Variants in PLA2R1 observed in about 807,000 individuals in gnomAD.
PLA2R1 encodes the protein phospholipase A2 receptor 1.
Under a neutral mutation model 195.9 loss-of-function variants are expected in PLA2R1, and 158 were observed. The observed-to-expected ratio is 0.81, with a 90% CI of 0.71 to 0.92. The LOEUF (loss-of-function observed/expected upper bound fraction) is 0.92. Ranked by LOEUF, PLA2R1 falls within the 40% of genes least tolerant of loss-of-function variation. The pLI is 0.00. For missense variants in PLA2R1, 1,626 were observed against 1,764.6 expected (o/e 0.92, Z 1.41); for synonymous variants, 586 against 598.2 (o/e 0.98, Z 0.30).
At chr2:159,983,850 G>T in intron 13 of PLA2R1, 78 bp downstream of exon 13, 1 of 664,586 alleles carries the variant, frequency 1.5e-6, no homozygotes, top group Non-Finnish European at 2.5e-6. Context: ...ACAACTACTT[G>T]GGATACTCAC....
intron 7 of PLA2R1, among the ~76,000 whole-genome samples, chr2:160,022,245 C>G (rs1465102866): frequency 6.6e-6 from 1 of 152,024 alleles, no homozygotes; most frequent in East Asian, 1.9e-4. Flanking sequence ...CATCACCTCA[C>G]CAAATAAATT....
At chr2:160,061,667 C>A (rs1390086556) in intron 1 of PLA2R1, among the ~76,000 whole-genome samples, 1 of 152,022 alleles carries the variant, frequency 6.6e-6, no homozygotes, top group African/African-American at 2.4e-5. Flanking sequence ...CCCAGCTACT[C>A]GGGAGGCTGA....
chr2:159,974,859 C>T (rs1689435681), intron 17 of PLA2R1, among the ~76,000 whole-genome samples: 1 of 152,048 alleles, frequency 6.6e-6, no homozygotes, highest in South Asian at 2.1e-4. Context: ...GTGCAACAGA[C>T]AAGATATAGA....
chr2:159,969,331 G>C lies in PLA2R1; in HGVS notation c.2689C>G (p.Gln897Glu). 6.2e-7 allele frequency: 1 copy of C among 1,603,682 alleles called. No homozygotes were observed. The highest frequency in any genetic ancestry group is 1.1e-5 in the South Asian group (1 of 90,812). The change falls in exon 19 of 30, where the codon CAG becomes GAG. Residue 897 changes from glutamine to glutamate, a missense_variant. Physicochemically the swap from Gln to Glu is conservative, Grantham distance 29. Coordinates refer to ENST00000283243, the MANE Select transcript of PLA2R1 (RefSeq NM_007366.5). ...RWRDGTPVIY[Q>E]NWDTGRERTV... ...CTTTCTCTTCCTGTGTCCCAGTTCT[G>C]GTATATCACTGGTGTTCCATCTCTC...
intron 8 of PLA2R1, among the ~76,000 whole-genome samples, chr2:160,019,514 G>A (rs2105461562): frequency 6.6e-6 from 1 of 152,276 alleles, no homozygotes; most frequent in East Asian, 1.9e-4. Flanking sequence ...CTCCAAACTG[G>A]CTTTTCTGCT....
At position 160,044,879 on chromosome 2, in the gene PLA2R1, C is replaced by G; in HGVS notation, c.388G>C (p.Val130Leu). 11 of 1,614,170 alleles carry G rather than the reference C, an allele frequency of 6.8e-6. No homozygotes were observed. Among genetic ancestry groups the G allele is most frequent in the Non-Finnish European group, 9.3e-6 (11 of 1,179,986 alleles). ...KMITGPLQYS[V>L]QVAHDNTVVA... Reference sequence around the variant, plus strand: ...ACTGTGTTGTCATGCGCCACCTGGACAGAGTACTGCAGCGGGCCTGTGATC... The same window carrying G: ...ACTGTGTTGTCATGCGCCACCTGGAGAGAGTACTGCAGCGGGCCTGTGATC... Residue 130 changes from valine (V) to leucine (L), a missense_variant, in exon 2 of 30, where the codon GTC (valine) becomes CTC (leucine). Val to Leu is a conservative substitution (Grantham distance 32). Coordinates refer to ENST00000283243, the MANE Select transcript of PLA2R1 (RefSeq NM_007366.5).
chr2:159,986,520 G>A (rs1690348430), intron 12 of PLA2R1, among the ~76,000 whole-genome samples: 1 of 151,994 alleles, frequency 6.6e-6, no homozygotes, highest in Non-Finnish European at 1.5e-5. Flanking sequence ...CCTCCCCCAG[G>A]AGTGATAACC....
At chr2:159,990,634 A>G (rs1025146660) in intron 11 of PLA2R1, among the ~76,000 whole-genome samples, 1 of 152,162 alleles carries the variant, frequency 6.6e-6, no homozygotes, top group African/African-American at 2.4e-5. Flanking sequence ...CTCCTCTAAC[A>G]GAGAAAAGTG....
chr2:159,930,190 C>T (rs544045232), downstream of PLA2R1, among the ~76,000 whole-genome samples: 1 of 152,072 alleles, frequency 6.6e-6, no homozygotes, highest in South Asian at 2.1e-4. Flanking sequence ...GGGTGGATCA[C>T]GAGGTCAGGA....
chr2:159,959,413 A>G (rs1016655817), intron 20 of PLA2R1, among the ~76,000 whole-genome samples: 1 of 152,232 alleles, frequency 6.6e-6, no homozygotes, highest in African/African-American at 2.4e-5. Flanking sequence ...TTCTAAAAAT[A>G]TAACATATTT....
At chr2:159,950,532 T>C (rs147338782) in intron 24 of PLA2R1, among the ~76,000 whole-genome samples, 1 of 152,332 alleles carries the variant, frequency 6.6e-6, no homozygotes, top group Non-Finnish European at 1.5e-5. Flanking sequence ...AGGAGAATGG[T>C]TTAATAAGTT....
chr2:160,020,461 C>T (rs977590903), intron 7 of PLA2R1, among the ~76,000 whole-genome samples, 198 bp from the exon 8 acceptor site: 1 of 151,956 alleles, frequency 6.6e-6, no homozygotes, highest in Non-Finnish European at 1.5e-5. Flanking sequence ...AATGTTTGTC[C>T]CCTCCAAAAT....
At chr2:160,040,531 C>G (rs1276364336) in intron 3 of PLA2R1, among the ~76,000 whole-genome samples, 4 of 152,158 alleles carry the variant, frequency 2.6e-5, no homozygotes, top group Non-Finnish European at 5.9e-5. Flanking sequence ...TTCAAAAATG[C>G]AGATGGTTGA....
chr2:160,006,291 C>T (rs959342512), intron 10 of PLA2R1, among the ~76,000 whole-genome samples: 1 of 152,204 alleles, frequency 6.6e-6, no homozygotes, highest in Non-Finnish European at 1.5e-5. Flanking sequence ...CACCCACCTA[C>T]CTCACTTGCC....
intron 1 of PLA2R1, among the ~76,000 whole-genome samples, chr2:160,051,261 T>G (rs1294350143): frequency 6.6e-6 from 1 of 152,200 alleles, no homozygotes; most frequent in East Asian, 1.9e-4. Flanking sequence ...TCACATCAAG[T>G]GCAATGCTTA....
chr2:159,988,810 A>G (rs1690543005), intron 11 of PLA2R1, among the ~76,000 whole-genome samples: 1 of 152,220 alleles, frequency 6.6e-6, no homozygotes, highest in Admixed American at 6.5e-5. Flanking sequence ...TTTTATGCTC[A>G]TGGAAAGACA....
intron 20 of PLA2R1, among the ~76,000 whole-genome samples, chr2:159,965,646 T>C (rs1688740074): frequency 6.6e-6 from 1 of 152,208 alleles, no homozygotes; most frequent in South Asian, 2.1e-4. Flanking sequence ...TCAACTCCTT[T>C]GGGTAAATAC....
rs562865336 is a variant in PLA2R1, at chr2:160,050,745, C to A, written c.110-5588G>T. The stretch of plus-strand genomic sequence containing the variant: ...CTGAAATGCACAGAAAGAAATTATA[C>A]CCTAATGCCAAAATATATTTTGACA... On this transcript the variant is annotated intron_variant, in intron 1 of 29. Transcript: ENST00000283243. Among the ~76,000 whole-genome samples, 60 of 152,134 alleles carry A rather than the reference C, an allele frequency of 3.9e-4. 1 individual carries two copies. Among genetic ancestry groups the A allele is most frequent in the Middle Eastern group, 6.3e-3 (2 of 316 alleles).
At chr2:159,965,073 A>C (rs1688696966) in intron 20 of PLA2R1, among the ~76,000 whole-genome samples, 2 of 152,136 alleles carry the variant, frequency 1.3e-5, no homozygotes, top group South Asian at 4.1e-4. Context: ...ATCCACACAT[A>C]CACAGCCTCC....
Sources: allele counts gnomAD v4.1 joint callset (sites outside exome capture counted in the v4.1 genomes callset), GRCh38; gene constraint gnomAD v4.1.1; transcripts MANE v1.5; gene names NCBI Gene and HGNC (gene_info 2026-07-23, HGNC 2026-07-21).